Variants in CDH2 observed in about 807,000 individuals in gnomAD.
CDH2 encodes the protein cadherin 2.
In CDH2, 17 loss-of-function variants were observed where a neutral mutation model predicts 92.0. That is an observed-to-expected ratio of 0.18 (90% CI 0.13 to 0.28). CDH2 has a LOEUF of 0.28. Among genes scored for constraint, CDH2 ranks in the 10% least tolerant of loss-of-function variants. The pLI, the probability that CDH2 is intolerant of heterozygous loss-of-function variation, is 1.00. For synonymous variants in CDH2, 419 were observed against 415.9 expected (o/e 1.01, Z -0.09); for missense variants, 862 against 1,133.1 (o/e 0.76, Z 3.44).
At chr18:27,996,424 T>TA (rs2012582729) in intron 7 of CDH2, among the ~76,000 whole-genome samples, 1 of 152,160 alleles carries the variant, frequency 6.6e-6, no homozygotes, top group South Asian at 2.1e-4. Flanking sequence ...AAAAATGTCA[T>TA]AGTGTCCTGG....
At chr18:27,976,324 T>C (rs963657386) in intron 14 of CDH2, among the ~76,000 whole-genome samples, 1 of 152,170 alleles carries the variant, frequency 6.6e-6, no homozygotes, top group African/African-American at 2.4e-5. Flanking sequence ...CCAAGATGAA[T>C]AGCAGTACCT....
intron 2 of CDH2, among the ~76,000 whole-genome samples, chr18:28,030,546 T>C (rs1006510423): frequency 6.6e-6 from 1 of 151,756 alleles, no homozygotes; most frequent in South Asian, 2.1e-4. Context: ...AAAAACAAGA[T>C]AGTGGACCAT....
Position 28,064,869 on chromosome 18 carries a change from A to G in CDH2, c.173-50960T>C, listed in dbSNP as rs1432993493. On this transcript the variant is annotated intron_variant, in intron 2 of 15. Coordinates refer to ENST00000269141, the MANE Select transcript of CDH2 (RefSeq NM_001792.5). ...CTACTCTCCTCCTAGGACACTTAAC[A>G]TAATTTCCAGCAAACCCCATTACTC... is the stretch of plus-strand genomic sequence containing the variant. Among the ~76,000 whole-genome samples the G allele has an allele frequency of 1.3e-5, 2 of 152,148 alleles. 1 individual carries two copies. Among genetic ancestry groups the G allele is most frequent in the South Asian group, 4.1e-4 (2 of 4,832 alleles).
chr18:28,061,880 A>C (rs970086761), intron 2 of CDH2, among the ~76,000 whole-genome samples: 1 of 151,972 alleles, frequency 6.6e-6, no homozygotes, highest in Non-Finnish European at 1.5e-5. Context: ...CAAGGGAAAA[A>C]CCTGCCCCAT....
At chr18:28,075,154 G>A (rs2014694851) in intron 2 of CDH2, among the ~76,000 whole-genome samples, 3 of 152,126 alleles carry the variant, frequency 2.0e-5, no homozygotes, top group African/African-American at 7.2e-5. Context: ...CATGAAGTAA[G>A]ACACAAATAG....
At chr18:27,955,391 AGAAAG>A (rs1909662282) in intron 15 of CDH2, among the ~76,000 whole-genome samples, 1 of 23,980 alleles carries the variant, frequency 4.2e-5, no homozygotes, top group South Asian at 1.2e-3. Flanking sequence ...AAAAAGAAAA[AGAAAG>A]AAAAAGAGAA....
chr18:28,132,397 G>C (rs1280253368), intron 2 of CDH2, among the ~76,000 whole-genome samples: 2 of 152,214 alleles, frequency 1.3e-5, no homozygotes, highest in African/African-American at 4.8e-5. Flanking sequence ...ACTCTGCCTG[G>C]AAGTGGATGA....
At chr18:28,151,392 C>T (rs759673128) in intron 1 of CDH2, among the ~76,000 whole-genome samples, 2 of 152,278 alleles carry the variant, frequency 1.3e-5, no homozygotes, top group South Asian at 2.1e-4. Flanking sequence ...TTATAAAATA[C>T]GTAGAGCAGG....
At chr18:28,076,004 G>A (rs1385789401) in intron 2 of CDH2, among the ~76,000 whole-genome samples, 1 of 152,096 alleles carries the variant, frequency 6.6e-6, no homozygotes, top group African/African-American at 2.4e-5. Context: ...GTTGTTATTT[G>A]TGATATTACT....
At chr18:28,167,819 G>C (rs185476522) in intron 1 of CDH2, among the ~76,000 whole-genome samples, 1 of 152,076 alleles carries the variant, frequency 6.6e-6, no homozygotes, top group East Asian at 1.9e-4. Flanking sequence ...TATCATATCA[G>C]GTAGCAGGAT....
chr18:28,094,959 AACATGTTATATG>A (rs2015105730), intron 2 of CDH2, among the ~76,000 whole-genome samples: 2 of 152,182 alleles, frequency 1.3e-5, no homozygotes, highest in Admixed American at 1.3e-4. Flanking sequence ...AAGAATTTAT[AACATGTTATATG>A]ACATGTTATA....
At chr18:27,965,053 T>C (rs938261299) in intron 14 of CDH2, among the ~76,000 whole-genome samples, 11 of 152,236 alleles carry the variant, frequency 7.2e-5, no homozygotes, top group African/African-American at 2.7e-4. Context: ...TCACTATCAA[T>C]GGTGCCTAAG....
chr18:28,176,832 C>T (rs1197061035), intron 1 of CDH2, 131 bp downstream of exon 1: 6 of 321,010 alleles, frequency 1.9e-5, no homozygotes, highest in Non-Finnish European at 2.7e-5. Context: ...CCGCGCGGCG[C>T]GGCGCGGCGC....
At chr18:28,110,513 C>G (rs1218066813) in intron 2 of CDH2, among the ~76,000 whole-genome samples, 3 of 152,104 alleles carry the variant, frequency 2.0e-5, no homozygotes, top group Non-Finnish European at 4.4e-5. Flanking sequence ...ATTGCAAAAG[C>G]CTTTGCTTTT....
intron 14 of CDH2, among the ~76,000 whole-genome samples, chr18:27,967,836 T>C (rs1199860748): frequency 6.6e-6 from 1 of 152,208 alleles, no homozygotes. Context: ...GATTTATAAT[T>C]AGTTTGGAAA....
At chr18:27,998,500 G>A (rs1015171491) in intron 7 of CDH2, among the ~76,000 whole-genome samples, 2 of 152,206 alleles carry the variant, frequency 1.3e-5, no homozygotes, top group Non-Finnish European at 2.9e-5. Flanking sequence ...CACTACGTGA[G>A]TGCCCTCTAA....
At chr18:28,173,571 G>A (rs2144374612) in intron 1 of CDH2, among the ~76,000 whole-genome samples, 1 of 152,144 alleles carries the variant, frequency 6.6e-6, no homozygotes, top group South Asian at 2.1e-4. Flanking sequence ...GTACCTAATA[G>A]GTGAAAAACA....
intron 1 of CDH2, 150 bp from the exon 2 acceptor site, chr18:28,147,934 G>A (rs1447978798): frequency 5.1e-6 from 3 of 588,266 alleles, no homozygotes; most frequent in East Asian, 2.8e-5. Flanking sequence ...AGAATGTAGA[G>A]GGCAAAGGGT....
intron 2 of CDH2, among the ~76,000 whole-genome samples, chr18:28,033,847 T>C (rs1291412538): frequency 1.3e-5 from 2 of 152,002 alleles, no homozygotes; most frequent in Non-Finnish European, 2.9e-5. Flanking sequence ...AGAAGTAACC[T>C]CACTATCTAA....
Sources: allele counts gnomAD v4.1 joint callset (sites outside exome capture counted in the v4.1 genomes callset), GRCh38; gene constraint gnomAD v4.1.1; transcripts MANE v1.5; gene names NCBI Gene and HGNC (gene_info 2026-07-23, HGNC 2026-07-21).